The following GSG1L variants were observed in gnomAD, a reference collection of about 807,000 sequenced individuals.
GSG1L encodes the protein GSG1 like.
GSG1L carries 24 observed loss-of-function variants against 42.1 expected under a neutral mutation model. The observed-to-expected ratio is 0.57, with a 90% CI of 0.41 to 0.80. GSG1L has a LOEUF of 0.80. GSG1L is among the 30% of genes least tolerant of loss of function. The pLI, the probability that GSG1L is intolerant of heterozygous loss-of-function variation, is 0.00. For missense variants in GSG1L, 445 were observed against 472.2 expected, an observed-to-expected ratio of 0.94 and a Z score of 0.53; for synonymous variants, 215 against 203.5, an observed-to-expected ratio of 1.06 and a Z score of -0.48.
chr16:27,922,920 T>C (rs918022126), intron 2 of GSG1L, among the ~76,000 whole-genome samples: 11 of 152,124 alleles, frequency 7.2e-5, no homozygotes, highest in Admixed American at 1.3e-4. Flanking sequence ...CCTGAGAACA[T>C]AGGACCACAG....
At chr16:27,823,544 C>T (rs1471798785) in intron 5 of GSG1L, among the ~76,000 whole-genome samples, 1 of 152,080 alleles carries the variant, frequency 6.6e-6, no homozygotes, top group East Asian at 1.9e-4. Context: ...CGCTGGTCTC[C>T]AGGAGGACAG....
chr16:28,042,171 C>A (rs1231977583), intron 1 of GSG1L, among the ~76,000 whole-genome samples: 1 of 152,112 alleles, frequency 6.6e-6, no homozygotes, highest in Admixed American at 6.5e-5. Flanking sequence ...CGCAGTGGTT[C>A]GTGCCTGTAA....
intron 3 of GSG1L, among the ~76,000 whole-genome samples, chr16:27,880,164 C>A (rs1050500975): frequency 2.0e-5 from 3 of 152,244 alleles, no homozygotes; most frequent in African/African-American, 7.2e-5. Context: ...CTCCAAGCCC[C>A]TTACCACCTC....
At chr16:28,032,104 C>T (rs141095011) in intron 1 of GSG1L, among the ~76,000 whole-genome samples, 67 of 152,316 alleles carry the variant, frequency 4.4e-4, no homozygotes, top group African/African-American at 1.5e-3. Context: ...GAGACAGCTC[C>T]GGCTCTTTTA....
intron 1 of GSG1L, among the ~76,000 whole-genome samples, chr16:28,007,481 T>TGGTG (rs1209003114): frequency 1.2e-5 from 1 of 85,164 alleles, no homozygotes; most frequent in East Asian, 2.5e-4. Context: ...TGTGTGTGGT[T>TGGTG]GGTTGGTTGG....
chr16:28,021,366 G>A (rs74430461), intron 1 of GSG1L, among the ~76,000 whole-genome samples: 473 of 152,222 alleles, frequency 3.1e-3, no homozygotes, highest in Non-Finnish European at 5.3e-3. Context: ...GTGGAGCCAG[G>A]ATTTGAACAC....
intron 4 of GSG1L, among the ~76,000 whole-genome samples, chr16:27,843,199 G>A (rs1388129907): frequency 6.6e-6 from 1 of 152,200 alleles, no homozygotes; most frequent in Non-Finnish European, 1.5e-5. Context: ...GATACCCTGT[G>A]TAGTGGACAA....
At chr16:27,944,878 C>T (rs1006907958) in intron 2 of GSG1L, among the ~76,000 whole-genome samples, 2 of 151,792 alleles carry the variant, frequency 1.3e-5, no homozygotes, top group East Asian at 1.9e-4. Context: ...AATTCAAGAC[C>T]GACCTGGGCA....
intron 1 of GSG1L, among the ~76,000 whole-genome samples, chr16:28,016,052 A>ACAGCCTCGGCTCACTG (rs1310134974): frequency 6.6e-6 from 1 of 152,202 alleles, no homozygotes; most frequent in Non-Finnish European, 1.5e-5. Flanking sequence ...GTGTAGTGGC[A>ACAGCCTCGGCTCACTG]CAGCCTCGGC....
intron 1 of GSG1L, among the ~76,000 whole-genome samples, chr16:28,007,694 C>G (rs550656581): frequency 6.0e-4 from 91 of 151,958 alleles, no homozygotes; most frequent in Admixed American, 1.4e-3. Flanking sequence ...TTTAAATTAT[C>G]TGTAGAGATG....
At chr16:27,961,184 C>T (rs573031705) in intron 2 of GSG1L, among the ~76,000 whole-genome samples, 3 of 152,390 alleles carry the variant, frequency 2.0e-5, no homozygotes, top group Admixed American at 6.5e-5. Flanking sequence ...CACGTTCACA[C>T]ATGCTCACCC....
intron 3 of GSG1L, among the ~76,000 whole-genome samples, chr16:27,875,062 T>G (rs555317325): frequency 2.0e-5 from 3 of 152,322 alleles, no homozygotes. Flanking sequence ...GACATTGTCT[T>G]GCCTCCAATC....
At chr16:27,827,999 G>A (rs28519380) in intron 5 of GSG1L, among the ~76,000 whole-genome samples, 26,025 of 140,050 alleles carry the variant, frequency 0.19, 2,357 homozygotes, top group South Asian at 0.31. Context: ...CCACCTACCC[G>A]TCTGTCCACT....
At chr16:28,057,981 G>T (rs116702477) in intron 1 of GSG1L, among the ~76,000 whole-genome samples, 1,568 of 152,248 alleles carry the variant, frequency 0.01, 32 homozygotes, top group African/African-American at 0.035. Context: ...GAAAGAAAAG[G>T]CCAGAAAGAG....
chr16:27,947,145 G>A (rs1010232469), intron 2 of GSG1L, among the ~76,000 whole-genome samples: 1 of 151,992 alleles, frequency 6.6e-6, no homozygotes, highest in African/African-American at 2.4e-5. Flanking sequence ...GTTTTGTTTT[G>A]AGACAGAGTC....
intron 1 of GSG1L, among the ~76,000 whole-genome samples, chr16:28,043,026 T>C (rs972479050): frequency 4.0e-5 from 6 of 151,806 alleles, no homozygotes; most frequent in African/African-American, 1.5e-4. Context: ...CAATGTAGAG[T>C]GTTAGTGGCA....
chr16:27,922,271 C>T (rs910333997), intron 2 of GSG1L, among the ~76,000 whole-genome samples: 3 of 152,118 alleles, frequency 2.0e-5, no homozygotes, highest in African/African-American at 7.2e-5. Flanking sequence ...TTCCAGGTCT[C>T]TTGATGCCCA....
At chr16:27,854,235 T>G (rs1285780186) in intron 3 of GSG1L, among the ~76,000 whole-genome samples, 6 of 61,850 alleles carry the variant, frequency 9.7e-5, no homozygotes, top group Admixed American at 2.0e-4. Context: ...GGCTGGGGAA[T>G]GGGGAGGGTG....
intron 3 of GSG1L, among the ~76,000 whole-genome samples, chr16:27,883,305 A>T (rs1043385180): frequency 6.6e-6 from 1 of 151,468 alleles, no homozygotes; most frequent in Admixed American, 6.6e-5. Flanking sequence ...GTCCTTGGAC[A>T]GCTGGGGATG....
Sources: gnomAD v4.1 joint callset for allele counts (sites outside exome capture counted in the v4.1 genomes callset) on GRCh38, gnomAD v4.1.1 for gene constraint, MANE v1.5 for transcripts, NCBI Gene and HGNC (gene_info 2026-07-23, HGNC 2026-07-21) for gene names.